SUPT3H: variants seen among roughly 807,000 people sequenced by gnomAD.
SUPT3H encodes SPT3 homolog, SAGA and STAGA complex component.
SUPT3H carries 44 observed loss-of-function variants against 44.3 expected under a neutral mutation model. The ratio of observed to expected loss-of-function variants is 0.99; its 90% CI spans 0.78 to 1.28. SUPT3H has a LOEUF of 1.28. Among genes scored for constraint, SUPT3H ranks in the 50% most tolerant of loss-of-function variants. The pLI is 0.00. For synonymous variants in SUPT3H, 124 were observed against 125.6 expected, an observed-to-expected ratio of 0.99 and a Z score of 0.09; for missense variants, 380 against 387.1, an observed-to-expected ratio of 0.98 and a Z score of 0.15.
At chr6:45,216,079 C>A (rs971391433) in intron 2 of SUPT3H, among the ~76,000 whole-genome samples, 1 of 152,104 alleles carries the variant, frequency 6.6e-6, no homozygotes, top group African/African-American at 2.4e-5. Flanking sequence ...TCATACACAG[C>A]AAGGCTATCC....
chr6:45,053,863 T>C (rs1367219028), intron 3 of SUPT3H, among the ~76,000 whole-genome samples: 1 of 143,858 alleles, frequency 7.0e-6, no homozygotes, highest in African/African-American at 2.6e-5. Context: ...TGCAGTGAGC[T>C]GAGGTCACGC....
chr6:45,077,246 T>A (rs1022917730), intron 3 of SUPT3H, among the ~76,000 whole-genome samples: 1 of 152,154 alleles, frequency 6.6e-6, no homozygotes. Context: ...ACAGACCATA[T>A]ACCATACAAA....
intron 10 of SUPT3H, among the ~76,000 whole-genome samples, chr6:44,919,757 T>C (rs963948700): frequency 6.6e-6 from 1 of 152,238 alleles, no homozygotes; most frequent in Non-Finnish European, 1.5e-5. Context: ...TCTCACGCCA[T>C]TGCCTCAGAA....
intron 5 of SUPT3H, among the ~76,000 whole-genome samples, chr6:45,012,239 T>A (rs1197664440): frequency 1.3e-5 from 2 of 152,124 alleles, no homozygotes; most frequent in African/African-American, 2.4e-5. Flanking sequence ...CATTATTTCT[T>A]GAATATTTGT....
chr6:44,948,158 T>A (rs1393176433), intron 9 of SUPT3H, among the ~76,000 whole-genome samples: 1 of 152,198 alleles, frequency 6.6e-6, no homozygotes, highest in Admixed American at 6.5e-5. Context: ...CATTGGTGTA[T>A]ATCTCTGTTT....
At chr6:45,077,187 G>C (rs928461418) in intron 3 of SUPT3H, among the ~76,000 whole-genome samples, 2 of 152,042 alleles carry the variant, frequency 1.3e-5, no homozygotes, top group Non-Finnish European at 2.9e-5. Context: ...GAACCACTGT[G>C]ACACTTTATA....
At chr6:45,091,771 A>G (rs1797151710) in intron 3 of SUPT3H, among the ~76,000 whole-genome samples, 1 of 152,110 alleles carries the variant, frequency 6.6e-6, no homozygotes, top group Non-Finnish European at 1.5e-5. Context: ...TTGCTAAATT[A>G]TGGAATCTTT....
At chr6:45,078,320 A>G (rs1179911989) in intron 3 of SUPT3H, among the ~76,000 whole-genome samples, 2 of 152,182 alleles carry the variant, frequency 1.3e-5, no homozygotes, top group African/African-American at 4.8e-5. Flanking sequence ...CTGCCACACA[A>G]TTTATATTTC....
chr6:44,958,105 G>A (rs1775480619), intron 7 of SUPT3H, among the ~76,000 whole-genome samples: 1 of 152,076 alleles, frequency 6.6e-6, no homozygotes, highest in Non-Finnish European at 1.5e-5. Context: ...ACGATAACCT[G>A]GAAATTGACT....
At chr6:45,365,539 T>C (rs566334949) in intron 1 of SUPT3H, among the ~76,000 whole-genome samples, 1 of 151,604 alleles carries the variant, frequency 6.6e-6, no homozygotes, top group Non-Finnish European at 1.5e-5. Context: ...ATAAATACTT[T>C]AGCACCTATT....
chr6:45,206,004 A>G (rs1411542560), intron 2 of SUPT3H, among the ~76,000 whole-genome samples: 1 of 152,208 alleles, frequency 6.6e-6, no homozygotes, highest in African/African-American at 2.4e-5. Flanking sequence ...GTTTGAAAAT[A>G]GGTCACAACA....
At chr6:45,298,711 T>C (rs988695674) in intron 2 of SUPT3H, among the ~76,000 whole-genome samples, 29 of 152,188 alleles carry the variant, frequency 1.9e-4, no homozygotes, top group African/African-American at 7.0e-4. Context: ...TTGGCCAATG[T>C]AATTGTTACT....
intron 6 of SUPT3H, 62 bp from the exon 7 acceptor site, chr6:44,961,890 G>T: frequency 1.5e-6 from 2 of 1,301,358 alleles, no homozygotes; most frequent in Non-Finnish European, 2.2e-6. Flanking sequence ...TGTTTTCACA[G>T]CTTAAACTTA....
rs367819089 is a variant in SUPT3H, at chr6:45,147,817, GATTAT to G, written c.102-41816_102-41812del. 5.4e-3 allele frequency among the ~76,000 whole-genome samples: 828 copies of G among 152,096 alleles called. 12 individuals are homozygous for G. The highest frequency in any genetic ancestry group is 0.019 in the African/African-American group (770 of 41,494). ...AAAGGGGCAGAGGACAGAGGAATTT[GATTAT>G]ATTATGGTAATAATGAAGATGAAAG... On this transcript the variant is annotated intron_variant, in intron 2 of 10. Transcript: ENST00000371459.
At chr6:44,861,248 T>A (rs189515832) in intron 10 of SUPT3H, among the ~76,000 whole-genome samples, 1 of 152,152 alleles carries the variant, frequency 6.6e-6, no homozygotes, top group Non-Finnish European at 1.5e-5. Flanking sequence ...GGCTAGTTGT[T>A]TTATTTTTGT....
intron 10 of SUPT3H, among the ~76,000 whole-genome samples, chr6:44,885,082 C>T (rs1284110615): frequency 1.3e-5 from 2 of 152,214 alleles, no homozygotes; most frequent in African/African-American, 4.8e-5. Context: ...CGCCATTGCC[C>T]AGGCTTGCTT....
intron 10 of SUPT3H, among the ~76,000 whole-genome samples, chr6:44,916,976 C>A (rs1473140332): frequency 7.0e-6 from 1 of 142,040 alleles, no homozygotes; most frequent in Non-Finnish European, 1.5e-5. Context: ...CTACAAAAAA[C>A]AAACAAACAA....
intron 10 of SUPT3H, among the ~76,000 whole-genome samples, chr6:44,913,607 CTTAA>C (rs1368963401): frequency 1.3e-5 from 2 of 152,126 alleles, no homozygotes; most frequent in African/African-American, 2.4e-5. Flanking sequence ...AGACTCTTTT[CTTAA>C]TTGATGACTA....
chr6:45,330,396 A>G (rs1787226071), intron 2 of SUPT3H, among the ~76,000 whole-genome samples: 1 of 152,022 alleles, frequency 6.6e-6, no homozygotes, highest in African/African-American at 2.4e-5. Flanking sequence ...TGTTACACAG[A>G]GGGATAACTT....
Sources: allele counts gnomAD v4.1 joint callset (sites outside exome capture counted in the v4.1 genomes callset), GRCh38; gene constraint gnomAD v4.1.1; transcripts MANE v1.5; gene names NCBI Gene and HGNC (gene_info 2026-07-23, HGNC 2026-07-21).